Variants in AXDND1 observed in about 807,000 individuals in gnomAD.
AXDND1 encodes axonemal dynein light chain domain containing 1, also known as axonemal dynein light chain domain-containing protein 1.
A neutral mutation model predicts 137.5 loss-of-function variants in AXDND1; 110 were observed. The observed-to-expected ratio is 0.80, with a 90% CI of 0.69 to 0.94. The LOEUF (loss-of-function observed/expected upper bound fraction) is 0.94. AXDND1 is among the 40% of genes least tolerant of loss of function. AXDND1 has a pLI of 0.00. For missense variants in AXDND1, 1,191 were observed against 1,169.8 expected (o/e 1.02, Z -0.26); for synonymous variants, 414 against 399.7 (o/e 1.04, Z -0.43).
intron 17 of AXDND1, among the ~76,000 whole-genome samples, chr1:179,476,430 T>C (rs545065921): frequency 6.6e-6 from 1 of 152,362 alleles, no homozygotes; most frequent in Admixed American, 6.5e-5. Context: ...TAAAATTGCA[T>C]AATTTTGTTT....
chr1:179,535,086 A>G (rs770046724), intron 25 of AXDND1, 124 bp downstream of exon 25: 3 of 1,413,126 alleles, frequency 2.1e-6, no homozygotes, highest in South Asian at 1.3e-5. Flanking sequence ...TATACTTCTC[A>G]TAGGAATGTG....
chr1:179,405,476 G>T (rs541668766), intron 11 of AXDND1, among the ~76,000 whole-genome samples: 3 of 152,294 alleles, frequency 2.0e-5, no homozygotes, highest in African/African-American at 7.2e-5. Context: ...TCTGGTTCCA[G>T]ATCCTTGAGG....
At chr1:179,377,395 A>G (rs577219554) in intron 4 of AXDND1, among the ~76,000 whole-genome samples, 2 of 152,306 alleles carry the variant, frequency 1.3e-5, no homozygotes, top group East Asian at 3.9e-4. Context: ...CAGTAAATAC[A>G]TTTGGAGTTT....
chr1:179,373,526 C>G (rs1668252656), intron 4 of AXDND1, among the ~76,000 whole-genome samples: 1 of 152,144 alleles, frequency 6.6e-6, no homozygotes, highest in Non-Finnish European at 1.5e-5. Context: ...CAAGACAAGC[C>G]TAAGCAAAAA....
At chr1:179,448,075 T>C (rs1659991621) in intron 16 of AXDND1, 2 of 1,074,292 alleles carry the variant, frequency 1.9e-6, no homozygotes, top group Non-Finnish European at 1.4e-6. Flanking sequence ...TGCAATGTTA[T>C]GATTCTGCAT....
At chr1:179,456,763 G>A (rs1274843073) in intron 16 of AXDND1, 9 of 782,800 alleles carry the variant, frequency 1.1e-5, no homozygotes, top group Non-Finnish European at 2.1e-5. Context: ...TGACCTCTTT[G>A]GCTGGATGAA....
At position 179,509,299 on chromosome 1, in the gene AXDND1, G is replaced by T; in HGVS notation, c.2392G>T (p.Glu798Ter). Residue 798 changes from glutamate to a stop codon, truncating the protein, a stop_gained, in exon 21 of 26, where the codon GAA becomes TAA. Transcript: ENST00000367618. LOFTEE classifies it high-confidence loss of function. ...DLYEVDKLKK[E>*]CYEWINTCSC... ...GTAATCTTTTATCTCTTCTCAGAAA[G>T]AATGTTATGAATGGATCAACACATG... 2.5e-6 allele frequency: 4 copies of T among 1,599,042 alleles called. No homozygotes were observed. The highest frequency in any genetic ancestry group is 3.4e-6 in the Non-Finnish European group (4 of 1,170,986).
chr1:179,483,037 C>A, intron 17 of AXDND1, 91 bp from the exon 18 acceptor site: 3 of 814,412 alleles, frequency 3.7e-6, no homozygotes, highest in East Asian at 2.8e-5. Flanking sequence ...TTTACAATAC[C>A]CAGCCAAATA....
At chr1:179,531,398 T>C (rs1232502977) in intron 23 of AXDND1, among the ~76,000 whole-genome samples, 1 of 152,110 alleles carries the variant, frequency 6.6e-6, no homozygotes. Flanking sequence ...CAAGGGTAGT[T>C]TAGTAGTTTA....
At chr1:179,456,833 A>C in intron 16 of AXDND1, 1 of 801,180 alleles carries the variant, frequency 1.2e-6, no homozygotes, top group Non-Finnish European at 2.2e-6. Flanking sequence ...GGCCATTCAC[A>C]GTATGCTATT....
At position 179,405,450 on chromosome 1, in the gene AXDND1, C is replaced by G. The variant is rs186520133; in HGVS notation, c.1110-5696C>G. On this transcript the variant is annotated intron_variant, in intron 11 of 25. Coordinates refer to ENST00000367618, the MANE Select transcript of AXDND1 (RefSeq NM_144696.6). ...TGGTATCTACCCAGTAATGGGATTA[C>G]TGGGTCAAAGGTATTTCTGGTTCCA... 5.3e-5 allele frequency among the ~76,000 whole-genome samples: 8 copies of G among 152,304 alleles called. No individual in the cohort carries two copies. The East Asian group carries it at 1.5e-3, about 29-fold the overall frequency.
chr1:179,462,670 T>G (rs2125450391), intron 16 of AXDND1, among the ~76,000 whole-genome samples: 2 of 152,372 alleles, frequency 1.3e-5, no homozygotes, highest in East Asian at 3.9e-4. Flanking sequence ...TGAATCTGTC[T>G]GGTCCTGGTT....
At chr1:179,503,728 C>T (rs989524321) in intron 20 of AXDND1, among the ~76,000 whole-genome samples, 25 of 152,064 alleles carry the variant, frequency 1.6e-4, no homozygotes, top group Non-Finnish European at 2.6e-4. Flanking sequence ...CAACAGTCCC[C>T]GGAGTGTGTG....
At chr1:179,548,536 G>T (rs955661397) in intron 25 of AXDND1, 8 of 152,138 alleles carry the variant, frequency 5.3e-5, no homozygotes, top group Non-Finnish European at 1.2e-4. Context: ...TCTTTTAAAG[G>T]ATTTGGCTTC....
intron 21 of AXDND1, 79 bp downstream of exon 21, chr1:179,509,482 A>G (rs984341118): frequency 1.1e-6 from 1 of 933,206 alleles, no homozygotes; most frequent in Non-Finnish European, 1.6e-6. Context: ...GCTTTTTCCA[A>G]TCAATGTTCT....
chr1:179,491,476 G>A (rs1666888353), intron 18 of AXDND1, 62 bp from the exon 19 acceptor site: 2 of 1,133,764 alleles, frequency 1.8e-6, no homozygotes, highest in Admixed American at 4.4e-5. Flanking sequence ...AAAATTTGGT[G>A]TGATTTTTAC....
rs143449696 is a variant in AXDND1, at chr1:179,457,184, G to A, written c.1799-11259G>A. On this transcript the variant is annotated intron_variant, in intron 16 of 25. Coordinates refer to ENST00000367618, the MANE Select transcript of AXDND1 (RefSeq NM_144696.6). ...AAACCCAAAGCCCCTGGAGTGCTTG[G>A]TATTTGGATCTCATTACCACACAGT... 2.8e-4 allele frequency: 219 copies of A among 768,642 alleles called. No homozygotes were observed. In the East Asian group the frequency reaches 5.3e-3, roughly 18 times the overall value. 47.6% of individuals were successfully genotyped at this position (768,642 alleles called of 1,614,324 possible).
At chr1:179,448,636 C>T (rs764770761) in intron 16 of AXDND1, 13 of 243,764 alleles carry the variant, frequency 5.3e-5, no homozygotes, top group African/African-American at 1.4e-4. Context: ...GCCAGCGCTC[C>T]GCACTGCCTG....
intron 25 of AXDND1, chr1:179,552,596 T>G (rs115778946): frequency 1.2e-6 from 2 of 1,612,096 alleles, no homozygotes; most frequent in Non-Finnish European, 1.7e-6. Flanking sequence ...GAGGATGGAG[T>G]GCTCACCCGC....
Sources: gnomAD v4.1 joint callset for allele counts (sites outside exome capture counted in the v4.1 genomes callset) on GRCh38, gnomAD v4.1.1 for gene constraint, MANE v1.5 for transcripts, NCBI Gene and HGNC (gene_info 2026-07-23, HGNC 2026-07-21) for gene names.